The following STAB2 variants were observed in gnomAD, a reference collection of about 807,000 sequenced individuals.
The protein encoded by STAB2 is stabilin-2.
Under a neutral mutation model 338.1 loss-of-function variants are expected in STAB2, and 288 were observed. The ratio of observed to expected loss-of-function variants is 0.85; its 90% CI spans 0.77 to 0.94. The LOEUF is 0.94. Ranked by LOEUF, STAB2 falls within the 40% of genes least tolerant of loss-of-function variation. STAB2 has a pLI of 0.00. For missense variants in STAB2, 3,141 were observed against 3,210.1 expected (o/e 0.98, Z 0.52); for synonymous variants, 1,202 against 1,193.3 (o/e 1.01, Z -0.15).
chr12:103,688,352 G>A, intron 28 of STAB2, 137 bp downstream of exon 28: 2 of 828,772 alleles, frequency 2.4e-6, no homozygotes, highest in Non-Finnish European at 4.0e-6. Flanking sequence ...AACGCTGGCT[G>A]CACTGTGGAA....
At chr12:103,663,166 C>T (rs1874770040) in intron 18 of STAB2, among the ~76,000 whole-genome samples, 168 bp downstream of exon 18, 1 of 152,198 alleles carries the variant, frequency 6.6e-6, no homozygotes, top group South Asian at 2.1e-4. Context: ...GAAGTCCCAC[C>T]TCATAAACTG....
chr12:103,660,061 A>G (rs1471824404), intron 15 of STAB2, among the ~76,000 whole-genome samples: 4 of 152,232 alleles, frequency 2.6e-5, no homozygotes, highest in Non-Finnish European at 2.9e-5. Flanking sequence ...ATTACCACAC[A>G]TAAAATGGGT....
In STAB2 at chr12:103,717,823, C is replaced by T. The variant is rs1880447997; in HGVS notation, c.4665C>T (p.Leu1555=). Residue 1555 remains leucine (L), a synonymous_variant, in exon 44 of 69, where the codon CTC becomes CTT. Coordinates refer to ENST00000388887, the MANE Select transcript of STAB2 (RefSeq NM_017564.10). Reference sequence around the variant, plus strand: ...CTGGAGATGGAAAGGTCTGCACACTCATCAATGTCTGCTTAACTGTGAGTA... The same window carrying T: ...CTGGAGATGGAAAGGTCTGCACACTTATCAATGTCTGCTTAACTGTGAGTA... ...AYTGDGKVCT[L]INVCLTKNGG... is the part of the protein sequence containing the mutation. The T allele has an allele frequency of 6.2e-7, 1 of 1,614,134 alleles. No homozygotes were observed. The highest frequency in any genetic ancestry group is 2.2e-5 in the East Asian group (1 of 44,886).
At chr12:103,652,810 A>C (rs1182572144) in intron 12 of STAB2, 105 bp downstream of exon 12, 5 of 1,324,864 alleles carry the variant, frequency 3.8e-6, no homozygotes, top group Non-Finnish European at 5.0e-6. Context: ...AATTACAAGG[A>C]AATTCTTTCC....
intron 5 of STAB2, among the ~76,000 whole-genome samples, 168 bp from the exon 6 acceptor site, chr12:103,631,428 CAT>C (rs1215953600): frequency 3.8e-5 from 4 of 104,926 alleles, no homozygotes; most frequent in African/African-American, 1.5e-4. Flanking sequence ...CATTCCTATC[CAT>C]ATGTTAAACT....
At chr12:103,607,896 A>G (rs1013432546) in intron 3 of STAB2, among the ~76,000 whole-genome samples, 2 of 152,198 alleles carry the variant, frequency 1.3e-5, no homozygotes, top group Admixed American at 1.3e-4. Context: ...CTTTGGGGAT[A>G]TACCTAGTAA....
At chr12:103,622,431 G>C (rs1363703721) in intron 5 of STAB2, among the ~76,000 whole-genome samples, 1 of 152,176 alleles carries the variant, frequency 6.6e-6, no homozygotes, top group Non-Finnish European at 1.5e-5. Context: ...TGCCTTATTT[G>C]AACACGGTTT....
At position 103,685,406 on chromosome 12, in the gene STAB2, C is replaced by T. The variant is rs568154062; in HGVS notation, c.2997+322C>T. Among the ~76,000 whole-genome samples, 5 of 151,002 alleles carry T rather than the reference C, an allele frequency of 3.3e-5. No individual in the cohort carries two copies. The South Asian group carries it at 1.0e-3, about 32-fold the overall frequency. ...CACTGGGCTCTCCTGTCTGGGCTAC[C>T]CTTTGCTTACCCATGCTGTGTGTGT... is the stretch of plus-strand genomic sequence containing the variant. On this transcript the variant is annotated intron_variant, in intron 27 of 68. Coordinates refer to ENST00000388887, the MANE Select transcript of STAB2 (RefSeq NM_017564.10).
At chr12:103,619,199 C>T (rs1957258962) in intron 3 of STAB2, among the ~76,000 whole-genome samples, 2 of 152,144 alleles carry the variant, frequency 1.3e-5, no homozygotes, top group Admixed American at 1.3e-4. Flanking sequence ...GAGGCACTTA[C>T]CTTGCTAACT....
intron 64 of STAB2, among the ~76,000 whole-genome samples, chr12:103,758,749 A>C (rs978267539): frequency 6.6e-6 from 1 of 152,214 alleles, no homozygotes; most frequent in Non-Finnish European, 1.5e-5. Flanking sequence ...TGTGTTCCAC[A>C]CCAACCTTCT....
chr12:103,744,575 T>TC (rs961597000), intron 56 of STAB2, among the ~76,000 whole-genome samples: 1 of 149,266 alleles, frequency 6.7e-6, no homozygotes, highest in African/African-American at 2.5e-5. Flanking sequence ...CAAGCAGTCC[T>TC]CCCATCCCAG....
At chr12:103,704,849 AT>A (rs1256966285) in intron 36 of STAB2, 1 of 407,234 alleles carries the variant, frequency 2.5e-6, no homozygotes, top group Non-Finnish European at 4.4e-6. Context: ...CAGGACAGAA[AT>A]TTTTTATGCT....
chr12:103,704,856 A>G (rs1439741098), intron 36 of STAB2: 5 of 392,110 alleles, frequency 1.3e-5, no homozygotes, highest in African/African-American at 4.2e-5. Context: ...GAAATTTTTT[A>G]TGCTCTACGT....
chr12:103,730,768 G>A (rs999525977), intron 49 of STAB2, among the ~76,000 whole-genome samples: 2 of 152,200 alleles, frequency 1.3e-5, no homozygotes, highest in Non-Finnish European at 2.9e-5. Context: ...TAGACACCTG[G>A]CTAGGTGCAG....
At chr12:103,656,184 T>A (rs1452604369) in intron 15 of STAB2, among the ~76,000 whole-genome samples, 3 of 152,224 alleles carry the variant, frequency 2.0e-5, no homozygotes, top group Non-Finnish European at 4.4e-5. Flanking sequence ...AGCCTTAACT[T>A]GAAGAGGACA....
At chr12:103,766,249 A>T in intron 68 of STAB2, 37 bp from the exon 69 acceptor site, 1 of 1,613,814 alleles carries the variant, frequency 6.2e-7, no homozygotes, top group East Asian at 2.2e-5. Context: ...CTCAACACAC[A>T]GAATGCCCTG....
intron 21 of STAB2, 70 bp from the exon 22 acceptor site, chr12:103,670,626 C>A: frequency 8.3e-7 from 1 of 1,209,268 alleles, no homozygotes; most frequent in Non-Finnish European, 1.2e-6. Context: ...TCAAAGAAGT[C>A]AGGCCATGAA....
At chr12:103,757,491 A>T (rs1884218513) in intron 63 of STAB2, among the ~76,000 whole-genome samples, 1 of 152,256 alleles carries the variant, frequency 6.6e-6, no homozygotes, top group Non-Finnish European at 1.5e-5. Context: ...GAGTGCTAGA[A>T]GATGATAGAT....
chr12:103,654,536 T>C lies in STAB2; in HGVS notation c.1408-19T>C, dbSNP rs1874026968. The C allele has an allele frequency of 6.2e-7, 1 of 1,611,870 alleles. No homozygotes were observed. Among genetic ancestry groups the C allele is most frequent in the Admixed American group, 1.7e-5 (1 of 59,774 alleles). The stretch of plus-strand genomic sequence containing the variant: ...AGGACACCATAGTAATCTTATTTTA[T>C]CTTTCTTTGGTGTTTTAGGACAATC... On this transcript the variant is annotated intron_variant, in intron 12 of 68. Coordinates refer to ENST00000388887, the MANE Select transcript of STAB2 (RefSeq NM_017564.10).
Sources: gnomAD v4.1 joint callset for allele counts (sites outside exome capture counted in the v4.1 genomes callset) on GRCh38, gnomAD v4.1.1 for gene constraint, MANE v1.5 for transcripts, NCBI Gene and HGNC (gene_info 2026-07-23, HGNC 2026-07-21) for gene names.